Variants in ZBTB16 observed in about 807,000 individuals in gnomAD.
ZBTB16 encodes the protein zinc finger and BTB domain-containing protein 16.
A neutral mutation model predicts 56.8 loss-of-function variants in ZBTB16; 8 were observed. The observed-to-expected ratio is 0.14, with a 90% CI of 0.08 to 0.25. ZBTB16 has a LOEUF of 0.25. Among genes scored for constraint, ZBTB16 ranks in the 10% least tolerant of loss-of-function variants. The pLI is 1.00. For missense variants in ZBTB16, 625 were observed against 903.0 expected (o/e 0.69, Z 3.95); for synonymous variants, 363 against 368.5 (o/e 0.98, Z 0.17).
intron 2 of ZBTB16, among the ~76,000 whole-genome samples, chr11:114,090,424 G>A (rs181951627): frequency 6.6e-6 from 1 of 152,356 alleles, no homozygotes; most frequent in Non-Finnish European, 1.5e-5. Context: ...GGCCAACTCC[G>A]GGAGGCTGCT....
intron 2 of ZBTB16, among the ~76,000 whole-genome samples, chr11:114,069,234 C>T (rs1231205190): frequency 3.3e-5 from 5 of 152,170 alleles, no homozygotes; most frequent in Admixed American, 6.5e-5. Context: ...TACAGGCACC[C>T]GCCACCACGC....
At chr11:114,177,924 T>G (rs1369030499) in intron 3 of ZBTB16, among the ~76,000 whole-genome samples, 1 of 152,230 alleles carries the variant, frequency 6.6e-6, no homozygotes, top group Non-Finnish European at 1.5e-5. Context: ...CCTACTTGCA[T>G]TTTATTTAAA....
chr11:114,171,400 G>A (rs1462254476), intron 3 of ZBTB16, among the ~76,000 whole-genome samples: 4 of 152,176 alleles, frequency 2.6e-5, no homozygotes, highest in South Asian at 4.1e-4. Flanking sequence ...GCTAGGAGCC[G>A]GCTCAGTGGG....
At chr11:114,211,810 G>A (rs558759110) in intron 4 of ZBTB16, among the ~76,000 whole-genome samples, 16 of 152,184 alleles carry the variant, frequency 1.1e-4, no homozygotes, top group East Asian at 9.7e-4. Context: ...TTATAAGCTC[G>A]CGATGAAAGC....
At chr11:114,185,158 A>C (rs1178220329) in intron 3 of ZBTB16, among the ~76,000 whole-genome samples, 1 of 152,170 alleles carries the variant, frequency 6.6e-6, no homozygotes, top group African/African-American at 2.4e-5. Flanking sequence ...CCATTAAGCT[A>C]TGACTGCACC....
chr11:114,235,561 T>C (rs1944547349), intron 4 of ZBTB16, among the ~76,000 whole-genome samples: 1 of 152,238 alleles, frequency 6.6e-6, no homozygotes, highest in South Asian at 2.1e-4. Flanking sequence ...TGTCACCCCT[T>C]CTGCCTACTA....
intron 4 of ZBTB16, among the ~76,000 whole-genome samples, chr11:114,194,652 G>A (rs139565842): frequency 2.0e-5 from 3 of 152,170 alleles, no homozygotes; most frequent in Non-Finnish European, 4.4e-5. Flanking sequence ...GGCAGTTCCC[G>A]AGATGCTTGT....
chr11:114,086,924 C>T (rs1280606135), intron 2 of ZBTB16, among the ~76,000 whole-genome samples: 1 of 152,202 alleles, frequency 6.6e-6, no homozygotes, highest in Admixed American at 6.5e-5. Flanking sequence ...CTTTCCCAGA[C>T]TCCAGTATTG....
intron 4 of ZBTB16, among the ~76,000 whole-genome samples, chr11:114,229,510 C>G (rs944679209): frequency 6.6e-6 from 1 of 152,172 alleles, no homozygotes; most frequent in South Asian, 2.1e-4. Context: ...CAGAAGTATA[C>G]CCGGCTGCTT....
At chr11:114,097,930 C>T (rs980048299) in intron 2 of ZBTB16, among the ~76,000 whole-genome samples, 25 of 152,148 alleles carry the variant, frequency 1.6e-4, no homozygotes, top group African/African-American at 5.8e-4. Context: ...ACTGCATTTG[C>T]AAAATGTCTG....
chr11:114,209,536 C>A, intron 4 of ZBTB16: 1 of 985,420 alleles, frequency 1.0e-6, no homozygotes, highest in Non-Finnish European at 1.2e-6. Context: ...TGGCCTCTGA[C>A]CCTGAGGCTC....
At chr11:114,080,075 T>G (rs3891828) in intron 2 of ZBTB16, among the ~76,000 whole-genome samples, 7 of 151,916 alleles carry the variant, frequency 4.6e-5, no homozygotes, top group Admixed American at 1.3e-4. Context: ...AAAGAATGGA[T>G]TGAGTTTTGA....
intron 4 of ZBTB16, among the ~76,000 whole-genome samples, chr11:114,231,006 T>C (rs1033812839): frequency 6.6e-6 from 1 of 152,014 alleles, no homozygotes; most frequent in Non-Finnish European, 1.5e-5. Flanking sequence ...TGGGTTTTTT[T>C]CCCCCAGAGA....
intron 4 of ZBTB16, chr11:114,210,029 T>A (rs902703419): frequency 6.8e-5 from 63 of 930,300 alleles, no homozygotes; most frequent in African/African-American, 3.6e-5. Flanking sequence ...TCCTCATTGG[T>A]AGAAGAGGGT....
At chr11:114,139,452 T>C (rs376528229) in intron 2 of ZBTB16, among the ~76,000 whole-genome samples, 1 of 152,338 alleles carries the variant, frequency 6.6e-6, no homozygotes, top group Non-Finnish European at 1.5e-5. Flanking sequence ...CTCATTTTAC[T>C]ATAATAGTTT....
intron 2 of ZBTB16, among the ~76,000 whole-genome samples, chr11:114,148,441 C>G (rs200405396): frequency 0.022 from 1,099 of 49,646 alleles, 100 homozygotes; most frequent in African/African-American, 0.051. Context: ...CTCTCTTTCT[C>G]TCTCTCTGTC....
At chr11:114,220,717 G>A (rs143425394) in intron 4 of ZBTB16, among the ~76,000 whole-genome samples, 152 of 152,238 alleles carry the variant, frequency 1.0e-3, no homozygotes, top group African/African-American at 3.6e-3. Flanking sequence ...TTGCAGTCAC[G>A]GCCCCCGTTA....
At chr11:114,181,576 C>T (rs888499185) in intron 3 of ZBTB16, among the ~76,000 whole-genome samples, 3 of 152,242 alleles carry the variant, frequency 2.0e-5, no homozygotes, top group African/African-American at 7.2e-5. Context: ...CTCCTCACAG[C>T]AGCCTCAGGG....
In ZBTB16 at chr11:114,064,075, G is replaced by A. The variant is rs772297979; in HGVS notation, c.775G>A (p.Ala259Thr). The change falls in exon 2 of 7, where the codon GCA (alanine) becomes ACA (threonine). Residue 259 changes from alanine (A) to threonine (T), a missense_variant. By Grantham distance (58) the Ala-to-Thr change is moderately conservative. Coordinates refer to ENST00000335953, the MANE Select transcript of ZBTB16 (RefSeq NM_006006.6). This position sits in a 1 kb window ranked among gnomAD's most constrained non-coding sequence, Gnocchi z 4.2. Reference sequence around the variant, plus strand: ...GGTGCCCAGCCAGGACAGCCCTGGGGCAGCCGAGTCCAGCATCTCAGGAGG... The same window carrying A: ...GGTGCCCAGCCAGGACAGCCCTGGGACAGCCGAGTCCAGCATCTCAGGAGG... The part of the protein sequence containing the change: ...DEVPSQDSPG[A>T]AESSISGGMG... The A allele has an allele frequency of 6.2e-7, 1 of 1,613,770 alleles. No homozygotes were observed. The highest frequency in any genetic ancestry group is 8.5e-7 in the Non-Finnish European group (1 of 1,179,920).
Sources: allele counts gnomAD v4.1 joint callset (sites outside exome capture counted in the v4.1 genomes callset), GRCh38; gene constraint gnomAD v4.1.1; non-coding constraint Gnocchi (gnomAD v3.1); transcripts MANE v1.5; gene names NCBI Gene and HGNC (gene_info 2026-07-23, HGNC 2026-07-21).